PRKCQ: variants seen among roughly 807,000 people sequenced by gnomAD.
The protein encoded by PRKCQ is protein kinase C theta.
In PRKCQ, 41 loss-of-function variants were observed where a neutral mutation model predicts 91.2. The observed-to-expected ratio is 0.45, with a 90% CI of 0.35 to 0.58. The LOEUF is 0.58. Ranked by LOEUF, PRKCQ falls within the 20% of genes least tolerant of loss-of-function variation. The probability of loss-of-function intolerance (pLI) is 0.00; values close to 1 mark genes in which losing one functional copy is unlikely to be tolerated. For synonymous variants in PRKCQ, 307 were observed against 316.9 expected, an observed-to-expected ratio of 0.97 and a Z score of 0.33; for missense variants, 673 against 896.5, an observed-to-expected ratio of 0.75 and a Z score of 3.18.
intron 12 of PRKCQ, among the ~76,000 whole-genome samples, chr10:6,467,331 CAGACAGAGAGAGAGAGAGAGAG>C (rs1564324028): frequency 1.1e-4 from 12 of 107,170 alleles, no homozygotes; most frequent in African/African-American, 2.5e-4. Context: ...CAGAGAGAGA[CAGACAGAGAGAGAGAGAGAGAG>C]AGACAGAGAG....
In PRKCQ at chr10:6,507,507, G is replaced by A. The variant is rs1838258436; in HGVS notation, c.319-11C>T. 6.2e-7 allele frequency: 1 copy of A among 1,611,412 alleles called. No individual in the cohort carries two copies. The highest frequency in any genetic ancestry group is 1.3e-5 in the African/African-American group (1 of 74,860). ...AGGTTTCAGCTCTAACTGGTTGGGAGAAGGAGAGAAACATCAGTCAGAATG... is the reference window on the plus strand; with the variant it reads ...AGGTTTCAGCTCTAACTGGTTGGGAAAAGGAGAGAAACATCAGTCAGAATG... On this transcript the variant is annotated splice_polypyrimidine_tract_variant and intron_variant, in intron 3 of 17. Transcript: ENST00000263125.
intron 1 of PRKCQ, among the ~76,000 whole-genome samples, chr10:6,543,472 C>T (rs924742814): frequency 6.6e-6 from 1 of 152,150 alleles, no homozygotes; most frequent in Non-Finnish European, 1.5e-5. Flanking sequence ...ATGTGTCTGT[C>T]ATGACTAAAT....
intron 8 of PRKCQ, among the ~76,000 whole-genome samples, chr10:6,488,474 C>T (rs1163950903): frequency 6.6e-6 from 1 of 151,586 alleles, no homozygotes; most frequent in Admixed American, 6.6e-5. Context: ...CAACCTCGGC[C>T]TCCCGGATTC....
At chr10:6,514,198 G>C (rs116830715) in intron 2 of PRKCQ, among the ~76,000 whole-genome samples, 101 of 152,244 alleles carry the variant, frequency 6.6e-4, no homozygotes, top group African/African-American at 2.3e-3. Flanking sequence ...TCCCTACAAA[G>C]TGTCTGCTAA....
At chr10:6,413,514 G>T in the PRKCQ span, among the ~76,000 whole-genome samples, 1 of 138,764 alleles carries the variant, frequency 7.2e-6, no homozygotes, top group Non-Finnish European at 1.5e-5. Context: ...ACACTAGGAA[G>T]CACTGGATTA....
chr10:6,489,781 G>A (rs187338664), intron 8 of PRKCQ, among the ~76,000 whole-genome samples: 10 of 152,158 alleles, frequency 6.6e-5, no homozygotes, highest in African/African-American at 1.7e-4. Flanking sequence ...AGGAGAGAGC[G>A]GGGAACAGAA....
intron 14 of PRKCQ, among the ~76,000 whole-genome samples, chr10:6,457,947 G>GT (rs35884637): frequency 0.31 from 45,493 of 148,660 alleles, 8,369 homozygotes; most frequent in East Asian, 0.5. Flanking sequence ...TTGATATCAG[G>GT]TTTTTTTTTT....
chr10:6,396,527 C>A, the PRKCQ span, among the ~76,000 whole-genome samples: 2 of 152,256 alleles, frequency 1.3e-5, no homozygotes, highest in African/African-American at 4.8e-5. Context: ...TGAGTGGAAT[C>A]ATATACTACA....
intron 12 of PRKCQ, among the ~76,000 whole-genome samples, chr10:6,467,335 C>CAGAGAG (rs1173010895): frequency 1.8e-4 from 19 of 103,390 alleles, no homozygotes; most frequent in African/African-American, 6.1e-4. Context: ...GAGAGACAGA[C>CAGAGAG]AGAGAGAGAG....
intron 14 of PRKCQ, among the ~76,000 whole-genome samples, chr10:6,458,458 G>A (rs1217055366): frequency 6.6e-6 from 1 of 152,148 alleles, no homozygotes; most frequent in East Asian, 1.9e-4. Context: ...TCCACAGCCT[G>A]TGCATGTCTC....
In PRKCQ at chr10:6,437,328, A is replaced by ATC. The variant is rs149249139; in HGVS notation, c.1836+4563_1836+4564dup. Reference sequence around the variant, plus strand: ...TCACATGAAAGAGAGACCAGAGTTTATCTCTCTCTCTCTCTGCTGTAAGGA... The same window carrying ATC: ...TCACATGAAAGAGAGACCAGAGTTTATCTCTCTCTCTCTCTCTGCTGTAAGGA... On this transcript the variant is annotated intron_variant, in intron 16 of 17. Coordinates refer to ENST00000263125, the MANE Select transcript of PRKCQ (RefSeq NM_006257.5). Among the ~76,000 whole-genome samples, 5 of 150,966 alleles carry ATC rather than the reference A, an allele frequency of 3.3e-5. No homozygotes were observed. In the East Asian group the frequency reaches 5.8e-4, roughly 18 times the overall value.
intron 1 of PRKCQ, among the ~76,000 whole-genome samples, chr10:6,572,321 T>C (rs916968956): frequency 3.2e-4 from 48 of 152,084 alleles, no homozygotes; most frequent in Non-Finnish European, 3.5e-4. Context: ...GCACCTATCA[T>C]CCCATCACCT....
chr10:6,413,474 TCACACACACACA>T, the PRKCQ span, among the ~76,000 whole-genome samples: 66 of 120,164 alleles, frequency 5.5e-4, 2 homozygotes, highest in African/African-American at 7.9e-4. Context: ...AAAAATTATG[TCACACACACACA>T]CACACACACA....
intron 16 of PRKCQ, among the ~76,000 whole-genome samples, chr10:6,436,859 T>TTCTC (rs780009519): frequency 3.9e-5 from 6 of 152,178 alleles, no homozygotes; most frequent in Non-Finnish European, 7.3e-5. Context: ...CACTTCCAAC[T>TTCTC]TCTCTCCACG....
chr10:6,511,264 C>T (rs1838463446), intron 2 of PRKCQ, 70 bp from the exon 3 acceptor site: 1 of 1,388,294 alleles, frequency 7.2e-7, no homozygotes, highest in Non-Finnish European at 1.0e-6. Context: ...TTCAACTCAA[C>T]AGTAGCACCT....
At chr10:6,456,934 A>G (rs914567054) in intron 14 of PRKCQ, 122 bp from the exon 15 acceptor site, 2 of 991,852 alleles carry the variant, frequency 2.0e-6, no homozygotes, top group Non-Finnish European at 3.0e-6. Flanking sequence ...AGAGGCGCTT[A>G]TGTATCTATC....
At chr10:6,485,944 C>T in intron 9 of PRKCQ, 91 bp downstream of exon 9, 1 of 1,157,308 alleles carries the variant, frequency 8.6e-7, no homozygotes, top group Non-Finnish European at 1.3e-6. Flanking sequence ...CGGCATTTCC[C>T]ATAGGGCTGC....
rs956401889 is a variant in PRKCQ, at chr10:6,526,797, G to A, written c.-9-11653C>T. On this transcript the variant is annotated intron_variant, in intron 1 of 17. Transcript: ENST00000263125. ...GTCTACGTGCTGTCTTCAGCTTTGAGTGCAGAGCAGACTTATTTACACCTA... is the reference window on the plus strand; with the variant it reads ...GTCTACGTGCTGTCTTCAGCTTTGAATGCAGAGCAGACTTATTTACACCTA... Among the ~76,000 whole-genome samples the A allele has an allele frequency of 2.6e-5, 4 of 152,300 alleles. No homozygotes were observed. The South Asian group carries it at 6.2e-4, about 24-fold the overall frequency.
intron 1 of PRKCQ, among the ~76,000 whole-genome samples, chr10:6,553,584 A>C (rs558295065): frequency 1.3e-5 from 2 of 151,458 alleles, no homozygotes; most frequent in South Asian, 4.2e-4. Flanking sequence ...TTGATGTTTC[A>C]TCTTTTCCTT....
Sources: gnomAD v4.1 joint callset for allele counts (sites outside exome capture counted in the v4.1 genomes callset) on GRCh38, gnomAD v4.1.1 for gene constraint, MANE v1.5 for transcripts, NCBI Gene and HGNC (gene_info 2026-07-23, HGNC 2026-07-21) for gene names.